CCDC60: variants seen among roughly 807,000 people sequenced by gnomAD.
The protein encoded by CCDC60 is coiled-coil domain containing 60, also known as coiled-coil domain-containing protein 60.
In CCDC60, 54 loss-of-function variants were observed where a neutral mutation model predicts 63.5. The ratio of observed to expected loss-of-function variants is 0.85; its 90% confidence interval spans 0.68 to 1.07. The LOEUF (loss-of-function observed/expected upper bound fraction) is 1.07, where lower values mean the gene tolerates loss of function less well. CCDC60 is among the 50% of genes least tolerant of loss of function. The pLI is 0.00. For synonymous variants in CCDC60, 206 were observed against 238.8 expected (o/e 0.86, Z 1.27); for missense variants, 651 against 684.3 (o/e 0.95, Z 0.54).
chr12:119,411,721 G>A (rs1375732960), intron 1 of CCDC60, among the ~76,000 whole-genome samples: 1 of 151,996 alleles, frequency 6.6e-6, no homozygotes, highest in African/African-American at 2.4e-5. Flanking sequence ...GAGGAGAGGT[G>A]GAAAGAAAGT....
At chr12:119,516,209 A>C (rs1334992536) in intron 7 of CCDC60, among the ~76,000 whole-genome samples, 1 of 152,078 alleles carries the variant, frequency 6.6e-6, no homozygotes, top group African/African-American at 2.4e-5. Context: ...AGGTTCAAGC[A>C]ATTTTCATGC....
chr12:119,416,415 C>A (rs1446789150), intron 1 of CCDC60, among the ~76,000 whole-genome samples: 2 of 152,086 alleles, frequency 1.3e-5, no homozygotes, highest in African/African-American at 2.4e-5. Context: ...GCAGTGTCTG[C>A]TGTGGGACAA....
chr12:119,501,347 C>T (rs1409167477), intron 6 of CCDC60, among the ~76,000 whole-genome samples: 1 of 152,166 alleles, frequency 6.6e-6, no homozygotes, highest in Non-Finnish European at 1.5e-5. Flanking sequence ...CTATGGGGCA[C>T]TATTCTTACC....
Position 119,479,172 on chromosome 12 carries a change from C to T in CCDC60, c.420C>T (p.Ile140=), listed in dbSNP as rs1555248722. 6.2e-7 allele frequency: 1 copy of T among 1,614,020 alleles called. No homozygotes were observed. Among genetic ancestry groups the T allele is most frequent in the South Asian group, 1.1e-5 (1 of 91,078 alleles). ...RRPFTPIHSC[I]ISPSLTEAHV... ...CATTCACTCCCATCCACAGCTGCAT[C>T]ATTTCTCCCTCGCTAACCGAGGCTC... Residue 140 remains isoleucine, a synonymous_variant, in exon 4 of 14, where the codon ATC becomes ATT. Coordinates refer to ENST00000327554, the MANE Select transcript of CCDC60 (RefSeq NM_178499.5).
At chr12:119,369,160 A>C (rs540314217) in intron 1 of CCDC60, among the ~76,000 whole-genome samples, 9 of 152,302 alleles carry the variant, frequency 5.9e-5, no homozygotes, top group Non-Finnish European at 7.3e-5. Context: ...CACAAGCATG[A>C]CCTTATACGA....
intron 1 of CCDC60, among the ~76,000 whole-genome samples, chr12:119,390,892 A>G (rs1360534280): frequency 6.6e-6 from 1 of 152,212 alleles, no homozygotes; most frequent in Non-Finnish European, 1.5e-5. Context: ...CAAAAGTTCT[A>G]AAAAGCAGCA....
intron 13 of CCDC60, among the ~76,000 whole-genome samples, chr12:119,538,496 A>T (rs981618807): frequency 6.6e-5 from 10 of 152,228 alleles, no homozygotes; most frequent in Admixed American, 5.9e-4. Flanking sequence ...TGTCTTCTGC[A>T]TCGATCATGC....
At chr12:119,441,720 T>C (rs1950449250) in intron 2 of CCDC60, among the ~76,000 whole-genome samples, 1 of 152,240 alleles carries the variant, frequency 6.6e-6, no homozygotes. Context: ...CTCTATTACT[T>C]GGAGTCTGTT....
At chr12:119,489,272 C>T (rs1421144544) in intron 5 of CCDC60, among the ~76,000 whole-genome samples, 2 of 152,160 alleles carry the variant, frequency 1.3e-5, no homozygotes, top group African/African-American at 2.4e-5. Context: ...TTTCCTCCTC[C>T]TTTCCCTCCC....
chr12:119,495,625 C>T (rs1258278738), intron 5 of CCDC60, among the ~76,000 whole-genome samples: 2 of 152,160 alleles, frequency 1.3e-5, no homozygotes, highest in Non-Finnish European at 2.9e-5. Context: ...GAGCAGCACT[C>T]ATAATAGCAT....
chr12:119,440,356 C>A (rs1310326132), intron 2 of CCDC60, among the ~76,000 whole-genome samples: 1 of 152,080 alleles, frequency 6.6e-6, no homozygotes, highest in Non-Finnish European at 1.5e-5. Context: ...CGGCGAAACC[C>A]AGTCTCTACT....
intron 6 of CCDC60, among the ~76,000 whole-genome samples, chr12:119,500,588 T>A (rs984787618): frequency 8.5e-6 from 1 of 117,942 alleles, no homozygotes; most frequent in African/African-American, 3.3e-5. Context: ...GCACACTAGC[T>A]CATGCTTGTA....
intron 1 of CCDC60, among the ~76,000 whole-genome samples, chr12:119,342,868 C>T (rs908422489): frequency 1.3e-5 from 2 of 152,214 alleles, no homozygotes; most frequent in Non-Finnish European, 2.9e-5. Flanking sequence ...ATCTGTTTCA[C>T]TGTTTGGTGA....
At chr12:119,350,820 C>T (rs577927072) in intron 1 of CCDC60, among the ~76,000 whole-genome samples, 1 of 152,168 alleles carries the variant, frequency 6.6e-6, no homozygotes, top group Non-Finnish European at 1.5e-5. Context: ...GGGTGTCCTG[C>T]ATACTGGTGG....
At chr12:119,457,228 CT>C (rs1294746625) in intron 2 of CCDC60, among the ~76,000 whole-genome samples, 1 of 152,220 alleles carries the variant, frequency 6.6e-6, no homozygotes, top group Non-Finnish European at 1.5e-5. Flanking sequence ...GAGAATAAAA[CT>C]GAAGCAACTA....
chr12:119,466,027 C>T (rs568465253), intron 2 of CCDC60, among the ~76,000 whole-genome samples: 13 of 152,312 alleles, frequency 8.5e-5, no homozygotes, highest in South Asian at 2.1e-4. Flanking sequence ...AGTTTAAAAT[C>T]GTACTTGCTC....
intron 1 of CCDC60, among the ~76,000 whole-genome samples, chr12:119,368,301 G>A (rs1955864211): frequency 6.6e-6 from 1 of 152,114 alleles, no homozygotes; most frequent in South Asian, 2.1e-4. Context: ...TCAAGCCATA[G>A]AGCTGCCATT....
intron 2 of CCDC60, among the ~76,000 whole-genome samples, chr12:119,445,271 T>C (rs924644255): frequency 2.6e-5 from 4 of 151,202 alleles, no homozygotes; most frequent in Admixed American, 2.6e-4. Flanking sequence ...CCGTCTCTAC[T>C]AAAAATACAA....
intron 1 of CCDC60, among the ~76,000 whole-genome samples, chr12:119,355,001 T>C (rs1037463874): frequency 3.9e-5 from 6 of 152,230 alleles, no homozygotes; most frequent in African/African-American, 9.6e-5. Context: ...GGATATGTAA[T>C]GTTTTTGGCT....
Sources: gnomAD v4.1 joint callset for allele counts (sites outside exome capture counted in the v4.1 genomes callset) on GRCh38, gnomAD v4.1.1 for gene constraint, MANE v1.5 for transcripts, NCBI Gene and HGNC (gene_info 2026-07-23, HGNC 2026-07-21) for gene names.